FAM117A: variants seen among roughly 807,000 people sequenced by gnomAD.
The protein encoded by FAM117A is protein FAM117A.
Under a neutral mutation model 44.1 loss-of-function variants are expected in FAM117A, and 21 were observed. That is an observed-to-expected ratio of 0.48 (90% CI 0.34 to 0.69). The LOEUF (loss-of-function observed/expected upper bound fraction) is 0.69. FAM117A is among the 30% of genes least tolerant of loss of function. The probability of loss-of-function intolerance (pLI) is 0.01; values close to 1 mark genes in which losing one functional copy is unlikely to be tolerated. For missense variants in FAM117A, 498 were observed against 589.9 expected (o/e 0.84, Z 1.61); for synonymous variants, 220 against 238.3 (o/e 0.92, Z 0.71).
chr17:49,764,653 T>A (rs1598035669), upstream of FAM117A, among the ~76,000 whole-genome samples: 2 of 152,348 alleles, frequency 1.3e-5, no homozygotes, highest in East Asian at 3.9e-4. Flanking sequence ...AAAACATTAG[T>A]TTTAAATCCT....
At chr17:49,763,527 G>A (rs1444717910) in intron 1 of FAM117A, among the ~76,000 whole-genome samples, 2 of 134,872 alleles carry the variant, frequency 1.5e-5, no homozygotes, top group African/African-American at 2.9e-5. Context: ...CCATCCGCAC[G>A]GGGCGCCCCC....
upstream of FAM117A, chr17:49,764,227 C>T (rs1281882304): frequency 4.7e-6 from 2 of 426,762 alleles, no homozygotes; most frequent in Admixed American, 6.7e-5. Flanking sequence ...GAAACCCAGA[C>T]CTTCCACCCC....
chr17:49,728,509 C>T (rs1422043788), intron 2 of FAM117A, among the ~76,000 whole-genome samples: 2 of 150,760 alleles, frequency 1.3e-5, no homozygotes, highest in Non-Finnish European at 2.9e-5. Flanking sequence ...GGGAATGGGG[C>T]TGGGGATGAG....
chr17:49,774,038 G>A (rs963436922), intron 1 of FAM117A, among the ~76,000 whole-genome samples: 17 of 152,362 alleles, frequency 1.1e-4, no homozygotes, highest in Admixed American at 3.3e-4. Flanking sequence ...ACAGGCGTGA[G>A]CCACTGCGCC....
intron 7 of FAM117A, among the ~76,000 whole-genome samples, chr17:49,714,707 C>T (rs1337579704): frequency 6.8e-5 from 10 of 146,994 alleles, no homozygotes; most frequent in South Asian, 2.2e-4. Flanking sequence ...AGTGCGGTGG[C>T]GTGATCTCGG....
At chr17:49,761,508 T>C (rs1038564626) in intron 1 of FAM117A, among the ~76,000 whole-genome samples, 12 of 152,240 alleles carry the variant, frequency 7.9e-5, no homozygotes, top group African/African-American at 2.9e-4. Context: ...TCTTATGATA[T>C]AGATATTATT....
intron 2 of FAM117A, among the ~76,000 whole-genome samples, chr17:49,726,757 G>A (rs1001339337): frequency 6.6e-6 from 1 of 151,780 alleles, no homozygotes; most frequent in Non-Finnish European, 1.5e-5. Flanking sequence ...CAGTAGGATT[G>A]CTTGAGGCCA....
intron 2 of FAM117A, among the ~76,000 whole-genome samples, chr17:49,724,822 G>GA (rs906558600): frequency 0.024 from 1,038 of 43,580 alleles, 10 homozygotes; most frequent in African/African-American, 0.053. Flanking sequence ...ACAGTCTCAA[G>GA]AAAAAAAAAA....
At position 49,773,579 on chromosome 17, in the gene FAM117A, G is replaced by A. The variant is rs1290965164; in HGVS notation, c.-621+14918C>T. 4.0e-5 allele frequency: 6 copies of A among 151,648 alleles called. No individual in the cohort carries two copies. The East Asian group carries it at 1.2e-3, about 29-fold the overall frequency. The allele number at this position is 151,648 out of a possible 1,614,324, so 9.4% of individuals were successfully genotyped here. On this transcript the variant is annotated intron_variant, in intron 1 of 7. Coordinates refer to the FAM117A transcript ENST00000513602. ...TATTAAATTTTATTTTCTGTGCCTT[G>A]GTCAATGAGATATCACCCTGCCCTG...
upstream of FAM117A, among the ~76,000 whole-genome samples, chr17:49,766,465 T>C (rs752588215): frequency 1.3e-5 from 2 of 152,224 alleles, no homozygotes; most frequent in African/African-American, 2.4e-5. Context: ...CCCAAGATCA[T>C]CTTAGTAAAT....
intron 1 of FAM117A, 84 bp from the exon 2 acceptor site, chr17:49,732,804 G>A (rs914088485): frequency 7.0e-7 from 1 of 1,436,778 alleles, no homozygotes; most frequent in African/African-American, 1.4e-5. Context: ...TAAGAGATGT[G>A]GCCTGCCTGC....
intron 3 of FAM117A, among the ~76,000 whole-genome samples, chr17:49,721,716 A>G (rs2073535153): frequency 6.6e-6 from 1 of 152,196 alleles, no homozygotes; most frequent in South Asian, 2.1e-4. Context: ...CTTAACCTCA[A>G]TGACTTGAGC....
intron 2 of FAM117A, chr17:49,724,533 G>A (rs1011140170): frequency 2.2e-6 from 1 of 455,192 alleles, no homozygotes; most frequent in African/African-American, 2.0e-5. Flanking sequence ...GCTAGCACAG[G>A]ACTTAAAAAG....
rs575300066 is a variant in FAM117A, at chr17:49,735,175, C to T, written c.197-2455G>A. 2.0e-5 allele frequency among the ~76,000 whole-genome samples: 3 copies of T among 152,016 alleles called. No individual in the cohort carries two copies. The South Asian group carries it at 6.2e-4, about 32-fold the overall frequency. The stretch of plus-strand genomic sequence containing the variant: ...GTTAAAATAGTGAGTATATATTTTA[C>T]TACAATAAAAAAAAGGACACTAACT... On this transcript the variant is annotated intron_variant, in intron 1 of 7. Coordinates refer to ENST00000240364, the MANE Select transcript of FAM117A (RefSeq NM_030802.4).
At chr17:49,714,023 T>G (rs2073490355) in intron 7 of FAM117A, among the ~76,000 whole-genome samples, 1 of 151,838 alleles carries the variant, frequency 6.6e-6, no homozygotes, top group Non-Finnish European at 1.5e-5. Context: ...TACGGAGGGA[T>G]GGGGAATGGG....
chr17:49,716,208 G>A lies in FAM117A; in HGVS notation c.1018C>T (p.Pro340Ser). 1 of 1,613,700 alleles carries A rather than the reference G, an allele frequency of 6.2e-7. No homozygotes were observed. The highest frequency in any genetic ancestry group is 2.2e-5 in the East Asian group (1 of 44,870). ...CGCACTTTCTCACAGCCTTCTGGGG[G>A]CTCCCGTTTGAAGATGTAGCTATGA... is the stretch of plus-strand genomic sequence containing the variant. ...PNHSYIFKREPPEGCEKVRVF... is the reference protein window; with the variant it reads ...PNHSYIFKRESPEGCEKVRVF... Residue 340 changes from proline to serine, a missense_variant, in exon 7 of 8, where the codon CCC becomes TCC. By Grantham distance (74) the Pro-to-Ser change is moderately conservative. Coordinates refer to ENST00000240364, the MANE Select transcript of FAM117A (RefSeq NM_030802.4).
intron 1 of FAM117A, among the ~76,000 whole-genome samples, chr17:49,770,269 CAAAAAAA>C (rs57966452): frequency 5.9e-4 from 41 of 69,820 alleles, no homozygotes; most frequent in East Asian, 3.9e-4. Flanking sequence ...GACTCTGTAT[CAAAAAAA>C]AAAAAAAAAA....
intron 1 of FAM117A, among the ~76,000 whole-genome samples, chr17:49,749,052 C>A (rs1337119650): frequency 1.3e-5 from 2 of 152,240 alleles, no homozygotes; most frequent in East Asian, 3.9e-4. Context: ...TAACTCCTGA[C>A]CTACTTGATA....
chr17:49,749,525 C>A (rs532736057), intron 1 of FAM117A, among the ~76,000 whole-genome samples: 30 of 124,124 alleles, frequency 2.4e-4, no homozygotes, highest in African/African-American at 7.8e-4. Context: ...TGCAGTGAGC[C>A]GAGATCGCGC....
Sources: gnomAD v4.1 joint callset for allele counts (sites outside exome capture counted in the v4.1 genomes callset) on GRCh38, gnomAD v4.1.1 for gene constraint, MANE v1.5 for transcripts, NCBI Gene and HGNC (gene_info 2026-07-23, HGNC 2026-07-21) for gene names.